ST6GALNAC3: variants seen among roughly 807,000 people sequenced by gnomAD.
The protein encoded by ST6GALNAC3 is alpha-N-acetylgalactosaminide alpha-2,6-sialyltransferase 3.
Under a neutral mutation model 32.7 loss-of-function variants are expected in ST6GALNAC3, and 25 were observed. That is an observed-to-expected ratio of 0.76 (90% CI 0.56 to 1.07). ST6GALNAC3 has a LOEUF of 1.07. Among genes scored for constraint, ST6GALNAC3 ranks in the 50% least tolerant of loss-of-function variants. The pLI is 0.00. For synonymous variants in ST6GALNAC3, 129 were observed against 133.1 expected (o/e 0.97, Z 0.21); for missense variants, 355 against 382.4 (o/e 0.93, Z 0.60).
intron 1 of ST6GALNAC3, among the ~76,000 whole-genome samples, chr1:76,284,247 C>A (rs1488685381): frequency 6.6e-6 from 1 of 151,962 alleles, no homozygotes; most frequent in Non-Finnish European, 1.5e-5. Context: ...AATCCACTAG[C>A]AAATAAAAGA....
chr1:76,562,973 TG>T (rs1428136154), intron 3 of ST6GALNAC3, among the ~76,000 whole-genome samples: 1 of 152,186 alleles, frequency 6.6e-6, no homozygotes, highest in African/African-American at 2.4e-5. Flanking sequence ...CCCATTGCTA[TG>T]TGGGGCTTTT....
intron 3 of ST6GALNAC3, among the ~76,000 whole-genome samples, chr1:76,419,180 A>G (rs912068974): frequency 1.3e-5 from 2 of 152,148 alleles, no homozygotes; most frequent in Non-Finnish European, 2.9e-5. Context: ...AAAGCTGTGC[A>G]GGACATCAGT....
At chr1:76,358,588 T>C (rs1006876141) in intron 2 of ST6GALNAC3, among the ~76,000 whole-genome samples, 1 of 152,164 alleles carries the variant, frequency 6.6e-6, no homozygotes, top group Admixed American at 6.5e-5. Context: ...CTGCAAAAAC[T>C]AGGCTACCCC....
At chr1:76,210,421 T>C (rs1373399277) in intron 1 of ST6GALNAC3, among the ~76,000 whole-genome samples, 2 of 152,222 alleles carry the variant, frequency 1.3e-5, no homozygotes, top group African/African-American at 2.4e-5. Flanking sequence ...TGCCTTTTGT[T>C]CTAAATCTAT....
chr1:76,562,806 G>A (rs1230266689), intron 3 of ST6GALNAC3, among the ~76,000 whole-genome samples: 1 of 152,110 alleles, frequency 6.6e-6, no homozygotes, highest in East Asian at 1.9e-4. Context: ...GTACAATAAA[G>A]GTCAGAGAGA....
At chr1:76,482,724 A>C (rs544751051) in intron 3 of ST6GALNAC3, among the ~76,000 whole-genome samples, 13 of 151,892 alleles carry the variant, frequency 8.6e-5, no homozygotes, top group African/African-American at 2.7e-4. Context: ...CTTTTCTTTT[A>C]TTTTTATTAT....
At chr1:76,267,243 T>G (rs973955653) in intron 1 of ST6GALNAC3, among the ~76,000 whole-genome samples, 1 of 152,180 alleles carries the variant, frequency 6.6e-6, no homozygotes, top group Non-Finnish European at 1.5e-5. Context: ...CTCATGGAAC[T>G]CTCTGTCTCC....
chr1:76,568,500 A>G (rs918072678), intron 3 of ST6GALNAC3, among the ~76,000 whole-genome samples: 16 of 152,192 alleles, frequency 1.1e-4, no homozygotes, highest in African/African-American at 3.9e-4. Flanking sequence ...AAAGTTGTCT[A>G]TAAACCCTGT....
downstream of ST6GALNAC3, among the ~76,000 whole-genome samples, chr1:76,635,923 GTGTA>G (rs1274007318): frequency 2.0e-5 from 3 of 152,152 alleles, no homozygotes; most frequent in Non-Finnish European, 4.4e-5. Context: ...CTGTCTAAAT[GTGTA>G]GGAAAAGAAT....
intron 1 of ST6GALNAC3, among the ~76,000 whole-genome samples, chr1:76,080,970 T>TGGGTAAAA (rs954554716): frequency 6.6e-5 from 10 of 152,168 alleles, no homozygotes; most frequent in Non-Finnish European, 1.0e-4. Flanking sequence ...ATGAGTGGCT[T>TGGGTAAAA]GGGTAAAAGT....
chr1:76,325,093 G>A (rs553454046), intron 2 of ST6GALNAC3, among the ~76,000 whole-genome samples: 6 of 152,308 alleles, frequency 3.9e-5, no homozygotes, highest in African/African-American at 1.4e-4. Context: ...TTTAAAAAAG[G>A]TATTTAGGTT....
intron 1 of ST6GALNAC3, among the ~76,000 whole-genome samples, chr1:76,112,071 AC>A (rs538408473): frequency 1.6e-5 from 2 of 121,448 alleles, no homozygotes; most frequent in African/African-American, 6.5e-5. Flanking sequence ...CTGGGGGCTG[AC>A]CCCCCCACCT....
Position 76,627,562 on chromosome 1 carries a change from A to G in ST6GALNAC3, c.731+3A>G. 6.3e-7 allele frequency: 1 copy of G among 1,598,746 alleles called. No individual in the cohort carries two copies. Among genetic ancestry groups the G allele is most frequent in the Non-Finnish European group, 8.6e-7 (1 of 1,166,762 alleles). ...ATGATAAATGACACCTACTGCAAGT[A>G]AGATCACAAGAAATTATTTTTATGC... On this transcript the variant is annotated splice_donor_region_variant and intron_variant, in intron 4 of 4. Coordinates refer to ENST00000328299, the MANE Select transcript of ST6GALNAC3 (RefSeq NM_152996.4).
intron 2 of ST6GALNAC3, among the ~76,000 whole-genome samples, chr1:76,391,531 C>A (rs1179175582): frequency 2.3e-4 from 4 of 17,046 alleles, no homozygotes; most frequent in South Asian, 3.1e-3. Flanking sequence ...GACCTTCCTT[C>A]CTTCCTTCCT....
rs1423068231 is a variant in ST6GALNAC3 at position 76,631,893 on chromosome 1, A to G, written c.*3087A>G. The G allele has an allele frequency of 2.0e-5, 3 of 152,118 alleles. No homozygotes were observed. Among genetic ancestry groups the G allele is most frequent in the Non-Finnish European group, 4.4e-5 (3 of 68,002 alleles). The allele number at this position is 152,118 out of a possible 1,614,324, so 9.4% of individuals were successfully genotyped here. ...TGTGTGTTTGAATCTTTTCCAATTT[A>G]ACCAAGTGAGAAGTAGCAATGATTT... On this transcript the variant is annotated 3_prime_UTR_variant, in exon 5 of 5. Coordinates refer to ENST00000328299, the MANE Select transcript of ST6GALNAC3 (RefSeq NM_152996.4).
chr1:76,448,400 C>T lies in ST6GALNAC3; in HGVS notation c.623+35983C>T, dbSNP rs575766008. Among the ~76,000 whole-genome samples, 9 of 152,268 alleles carry T rather than the reference C, an allele frequency of 5.9e-5. No homozygotes were observed. The East Asian group carries it at 1.2e-3, about 20-fold the overall frequency. ...CTCACATGAGACGTTGGTCTATGGACTTTTGAGTTAATGCTGAAATGAGTT... is the reference window on the plus strand; with the variant it reads ...CTCACATGAGACGTTGGTCTATGGATTTTTGAGTTAATGCTGAAATGAGTT... On this transcript the variant is annotated intron_variant, in intron 3 of 4. Coordinates refer to ENST00000328299, the MANE Select transcript of ST6GALNAC3 (RefSeq NM_152996.4).
intron 1 of ST6GALNAC3, among the ~76,000 whole-genome samples, chr1:76,303,188 G>A (rs1660830181): frequency 6.6e-6 from 1 of 152,000 alleles, no homozygotes. Flanking sequence ...CCCACAATCA[G>A]TCTGATTGGT....
At chr1:76,230,309 G>A (rs950078184) in intron 1 of ST6GALNAC3, among the ~76,000 whole-genome samples, 4 of 152,214 alleles carry the variant, frequency 2.6e-5, no homozygotes, top group South Asian at 2.1e-4. Flanking sequence ...TTTCTACTAC[G>A]TAGAGTTCAT....
At chr1:76,624,153 C>G (rs1394549888) in intron 3 of ST6GALNAC3, among the ~76,000 whole-genome samples, 1 of 151,914 alleles carries the variant, frequency 6.6e-6, no homozygotes, top group Non-Finnish European at 1.5e-5. Flanking sequence ...GAGCCTCCCC[C>G]ATCTGAATCA....
Sources: allele counts gnomAD v4.1 joint callset (sites outside exome capture counted in the v4.1 genomes callset), GRCh38; gene constraint gnomAD v4.1.1; transcripts MANE v1.5; gene names NCBI Gene and HGNC (gene_info 2026-07-23, HGNC 2026-07-21).